PTPRM: variants seen among roughly 807,000 people sequenced by gnomAD.
The protein encoded by PTPRM is protein tyrosine phosphatase receptor type M.
A neutral mutation model predicts 186.7 loss-of-function variants in PTPRM; 47 were observed. That is an observed-to-expected ratio of 0.25 (90% CI 0.20 to 0.32). PTPRM has a LOEUF of 0.32. Among genes scored for constraint, PTPRM ranks in the 10% least tolerant of loss-of-function variants. PTPRM has a pLI of 1.00. For missense variants in PTPRM, 1,494 were observed against 1,865.0 expected, an observed-to-expected ratio of 0.80 and a Z score of 3.66; for synonymous variants, 668 against 674.9, an observed-to-expected ratio of 0.99 and a Z score of 0.16.
chr18:8,359,509 T>A (rs2095583948), intron 23 of PTPRM, among the ~76,000 whole-genome samples: 1 of 152,280 alleles, frequency 6.6e-6, no homozygotes, highest in South Asian at 2.1e-4. Flanking sequence ...ACTTCTTGTC[T>A]CTTTGCCATT....
intron 14 of PTPRM, among the ~76,000 whole-genome samples, chr18:8,208,351 A>G (rs2093957145): frequency 6.6e-6 from 1 of 152,236 alleles, no homozygotes; most frequent in Non-Finnish European, 1.5e-5. Context: ...GCTTTGGAGA[A>G]CAAAATTAAC....
chr18:7,839,948 TG>T (rs2046239236), intron 2 of PTPRM, among the ~76,000 whole-genome samples: 1 of 151,946 alleles, frequency 6.6e-6, no homozygotes, highest in Non-Finnish European at 1.5e-5. Flanking sequence ...GCTCTGGTTT[TG>T]TTTTCTGCTG....
chr18:7,654,288 G>A (rs1217539233), intron 1 of PTPRM, among the ~76,000 whole-genome samples: 2 of 152,060 alleles, frequency 1.3e-5, no homozygotes, highest in East Asian at 3.9e-4. Flanking sequence ...TCTGTTGATA[G>A]TTTCTTGCTG....
At chr18:8,223,010 G>T (rs1443053618) in intron 14 of PTPRM, among the ~76,000 whole-genome samples, 4 of 152,116 alleles carry the variant, frequency 2.6e-5, no homozygotes, top group Non-Finnish European at 4.4e-5. Context: ...ATCACCCTGA[G>T]GTCAGGAGTT....
chr18:7,697,013 G>A (rs2039859371), intron 1 of PTPRM, among the ~76,000 whole-genome samples: 1 of 152,174 alleles, frequency 6.6e-6, no homozygotes, highest in South Asian at 2.1e-4. Flanking sequence ...AAAGCTGAAT[G>A]ATGTCAGGCA....
intron 14 of PTPRM, among the ~76,000 whole-genome samples, chr18:8,172,332 A>G (rs1284616730): frequency 6.8e-6 from 1 of 147,626 alleles, no homozygotes; most frequent in Non-Finnish European, 1.5e-5. Flanking sequence ...CAGGGTATAG[A>G]TGATCTTGTT....
intron 5 of PTPRM, among the ~76,000 whole-genome samples, chr18:7,948,451 A>G (rs2052704909): frequency 6.6e-6 from 1 of 152,144 alleles, no homozygotes; most frequent in Non-Finnish European, 1.5e-5. Flanking sequence ...TGGATTTCCA[A>G]GTGTGCATAA....
At chr18:8,315,494 C>T (rs2095302731) in intron 21 of PTPRM, among the ~76,000 whole-genome samples, 1 of 152,154 alleles carries the variant, frequency 6.6e-6, no homozygotes, top group Non-Finnish European at 1.5e-5. Flanking sequence ...CTTTAGGAGA[C>T]AGCATGTTTT....
intron 2 of PTPRM, among the ~76,000 whole-genome samples, chr18:7,804,011 A>T (rs1323031070): frequency 6.6e-6 from 1 of 152,200 alleles, no homozygotes; most frequent in Non-Finnish European, 1.5e-5. Flanking sequence ...AGACTCTTTC[A>T]TCTGGTGAAT....
chr18:8,017,004 G>A (rs758768916), intron 7 of PTPRM, among the ~76,000 whole-genome samples: 7 of 152,090 alleles, frequency 4.6e-5, no homozygotes, highest in Non-Finnish European at 7.4e-5. Flanking sequence ...GGGTTTGCAT[G>A]TTCATTATAT....
At chr18:8,240,385 G>A (rs9960673) in intron 14 of PTPRM, among the ~76,000 whole-genome samples, 40,770 of 145,988 alleles carry the variant, frequency 0.28, 6,625 homozygotes, top group African/African-American at 0.44. Flanking sequence ...ATAGTGAGCC[G>A]AGATCGCACC....
intron 1 of PTPRM, among the ~76,000 whole-genome samples, chr18:7,641,431 A>G (rs1052835007): frequency 6.6e-6 from 1 of 152,200 alleles, no homozygotes; most frequent in Non-Finnish European, 1.5e-5. Flanking sequence ...ATATATCAAG[A>G]TATGATTGCT....
At chr18:7,601,501 G>A (rs1001918855) in intron 1 of PTPRM, among the ~76,000 whole-genome samples, 7 of 152,180 alleles carry the variant, frequency 4.6e-5, no homozygotes, top group African/African-American at 1.4e-4. Flanking sequence ...ACCCCGTTCC[G>A]GGCCTCTCTC....
chr18:8,067,587 G>A (rs552023695), intron 7 of PTPRM, among the ~76,000 whole-genome samples: 3 of 152,210 alleles, frequency 2.0e-5, no homozygotes, highest in South Asian at 4.1e-4. Flanking sequence ...TAAATGCTAC[G>A]TTGCATATTT....
chr18:8,192,076 A>G (rs1017107581), intron 14 of PTPRM, among the ~76,000 whole-genome samples: 3 of 151,890 alleles, frequency 2.0e-5, no homozygotes, highest in African/African-American at 7.2e-5. Flanking sequence ...TTTTACATAT[A>G]GTAGGACTAA....
intron 2 of PTPRM, among the ~76,000 whole-genome samples, chr18:7,840,319 C>G (rs886397050): frequency 1.3e-5 from 2 of 151,998 alleles, no homozygotes; most frequent in African/African-American, 4.8e-5. Context: ...AAATTTTATT[C>G]TAGATATTTT....
rs111859462 is a variant in PTPRM, at chr18:8,114,903, T to C, written c.2167+76T>C. On this transcript the variant is annotated intron_variant, in intron 13 of 32. Transcript: ENST00000580170. ...ATTTTAACCTATGTTTCAAAACTTT[T>C]TGAACTGGAACTTAATTGAAAATAA... is the stretch of plus-strand genomic sequence containing the variant. The C allele has an allele frequency of 9.1e-4, 1,096 of 1,202,846 alleles. 10 individuals carry two copies. In the African/African-American group the frequency reaches 0.015, roughly 17 times the overall value. 74.5% of individuals were successfully genotyped at this position (1,202,846 alleles called of 1,614,324 possible).
intron 2 of PTPRM, among the ~76,000 whole-genome samples, chr18:7,868,458 G>C (rs2047823338): frequency 1.3e-5 from 2 of 152,286 alleles, no homozygotes; most frequent in South Asian, 4.1e-4. Context: ...GGACCCCTCT[G>C]CTGCAGGTCT....
intron 1 of PTPRM, among the ~76,000 whole-genome samples, chr18:7,656,261 G>A (rs2038845388): frequency 1.3e-5 from 2 of 152,208 alleles, no homozygotes; most frequent in South Asian, 4.1e-4. Flanking sequence ...AAAGGGACAC[G>A]TGTTACAACA....
Sources: allele counts gnomAD v4.1 joint callset (sites outside exome capture counted in the v4.1 genomes callset), GRCh38; gene constraint gnomAD v4.1.1; transcripts MANE v1.5; gene names NCBI Gene and HGNC (gene_info 2026-07-23, HGNC 2026-07-21).